Variants in LIN54 observed in about 807,000 individuals in gnomAD.
LIN54 encodes protein lin-54 homolog.
A neutral mutation model predicts 78.7 loss-of-function variants in LIN54; 9 were observed. The observed-to-expected ratio is 0.11, with a 90% confidence interval of 0.07 to 0.20. The LOEUF (loss-of-function observed/expected upper bound fraction) is 0.20. Ranked by LOEUF, LIN54 falls within the 10% of genes least tolerant of loss-of-function variation. The pLI is 1.00. For synonymous variants in LIN54, 269 were observed against 318.4 expected, an observed-to-expected ratio of 0.84 and a Z score of 1.65; for missense variants, 573 against 889.9, an observed-to-expected ratio of 0.64 and a Z score of 4.53.
At chr4:82,962,220 T>C (rs905119528) in intron 4 of LIN54, among the ~76,000 whole-genome samples, 4 of 152,280 alleles carry the variant, frequency 2.6e-5, no homozygotes, top group African/African-American at 9.6e-5. Flanking sequence ...CCATTACATC[T>C]GGCTTAACCC....
intron 3 of LIN54, among the ~76,000 whole-genome samples, chr4:82,976,683 C>T (rs1726190769): frequency 6.6e-6 from 1 of 151,920 alleles, no homozygotes. Flanking sequence ...ACTCCAGCCT[C>T]GGTGACAGGG....
intron 1 of LIN54, among the ~76,000 whole-genome samples, chr4:83,000,749 G>T (rs1578655498): frequency 6.7e-6 from 1 of 150,188 alleles, no homozygotes; most frequent in African/African-American, 2.5e-5. Flanking sequence ...ATGAAAATCA[G>T]AAAGGATTAC....
chr4:82,999,953 C>CATA (rs1728615043), intron 1 of LIN54, among the ~76,000 whole-genome samples: 1 of 152,166 alleles, frequency 6.6e-6, no homozygotes, highest in East Asian at 1.9e-4. Flanking sequence ...AGTGCAGTAG[C>CATA]ATAATCAGAG....
chr4:83,010,917 CT>C, upstream of LIN54: 1 of 1,027,632 alleles, frequency 9.7e-7, no homozygotes, highest in Non-Finnish European at 1.2e-6. Context: ...CCCCGCCAAC[CT>C]TCAAACGCAC....
At chr4:82,981,163 G>A (rs1226044349) in intron 2 of LIN54, among the ~76,000 whole-genome samples, 2 of 151,994 alleles carry the variant, frequency 1.3e-5, no homozygotes, top group Admixed American at 6.6e-5. Context: ...TTACAAATAA[G>A]GTAGTAAAAT....
intron 4 of LIN54, among the ~76,000 whole-genome samples, chr4:82,947,235 A>ATATATATATATATATATATTT: frequency 2.3e-5 from 1 of 44,292 alleles, no homozygotes; most frequent in Non-Finnish European, 3.7e-5. Flanking sequence ...ATATATATAT[A>ATATATATATATATATATATTT]TTTTTTTTTT....
chr4:82,967,125 C>A (rs1028140702), intron 4 of LIN54, among the ~76,000 whole-genome samples: 2 of 151,272 alleles, frequency 1.3e-5, no homozygotes, highest in Admixed American at 1.3e-4. Flanking sequence ...ACTCGGGACG[C>A]TGAGGCAGGA....
chr4:83,009,068 A>C (rs1578681005), intron 1 of LIN54, among the ~76,000 whole-genome samples: 1 of 152,236 alleles, frequency 6.6e-6, no homozygotes. Context: ...TTTTTAAAAA[A>C]TAATCATTAT....
chr4:82,938,798 C>T (rs1201735784), intron 7 of LIN54, among the ~76,000 whole-genome samples: 1 of 152,196 alleles, frequency 6.6e-6, no homozygotes, highest in Admixed American at 6.5e-5. Context: ...TCTCAAAGTA[C>T]TGTAATAACT....
chr4:82,929,920 C>T (rs907281451), intron 12 of LIN54, among the ~76,000 whole-genome samples: 8 of 152,120 alleles, frequency 5.3e-5, no homozygotes, highest in African/African-American at 9.7e-5. Flanking sequence ...ATTTTTGAGA[C>T]GGAGTTTGCT....
In LIN54 at chr4:82,927,976, T is replaced by G. The variant is rs530921732; in HGVS notation, c.*126A>C. ...TAAAATTTCTTCTCCTTCAGTATTA[T>G]AATTTCAGGTCTTTTAAAACAAGGA... On this transcript the variant is annotated 3_prime_UTR_variant, in exon 13 of 13. Coordinates refer to ENST00000340417, the MANE Select transcript of LIN54 (RefSeq NM_194282.4). 8.0e-6 allele frequency: 6 copies of G among 749,708 alleles called. No individual in the cohort carries two copies. In the South Asian group the frequency reaches 1.1e-4, roughly 13 times the overall value. The allele number at this position is 749,708 out of a possible 1,614,324, so 46.4% of individuals were successfully genotyped here. A position where few individuals can be genotyped will look rare whatever the true frequency, so the allele number is the denominator to read the frequency against.
intron 4 of LIN54, among the ~76,000 whole-genome samples, chr4:82,953,237 C>T (rs1057441944): frequency 2.6e-5 from 4 of 152,174 alleles, no homozygotes; most frequent in Admixed American, 2.6e-4. Context: ...AACCCTCCCA[C>T]CTCAGCTTCC....
chr4:82,932,092 A>ATT (rs70943171), intron 11 of LIN54, among the ~76,000 whole-genome samples: 4,736 of 124,778 alleles, frequency 0.038, 149 homozygotes, highest in Non-Finnish European at 0.048. Context: ...GTGTATTTTA[A>ATT]TTTTTTTTTT....
intron 1 of LIN54, among the ~76,000 whole-genome samples, chr4:82,989,243 T>C (rs6840403): frequency 1 from 151,847 of 152,278 alleles, 75,708 homozygotes; most frequent in Middle Eastern, 1. Context: ...GAATTCATTA[T>C]GTATACTGTG....
At chr4:82,951,993 C>T (rs1723880687) in intron 4 of LIN54, among the ~76,000 whole-genome samples, 1 of 151,966 alleles carries the variant, frequency 6.6e-6, no homozygotes, top group Non-Finnish European at 1.5e-5. Context: ...AGATCCATGA[C>T]CAAAATGTAA....
intron 4 of LIN54, among the ~76,000 whole-genome samples, chr4:82,966,076 T>A (rs1266753849): frequency 6.6e-6 from 1 of 152,230 alleles, no homozygotes; most frequent in Non-Finnish European, 1.5e-5. Flanking sequence ...CCTTTTCTTC[T>A]ACTAACACTT....
At chr4:82,944,766 A>C (rs1723221446) in intron 5 of LIN54, 3 of 152,180 alleles carry the variant, frequency 2.0e-5, no homozygotes, top group Admixed American at 2.0e-4. Flanking sequence ...AGCAGTAAGA[A>C]GAGGAAAAAG....
intron 11 of LIN54, among the ~76,000 whole-genome samples, chr4:82,935,430 AGGCACCT>A (rs1002866823): frequency 3.3e-5 from 5 of 151,866 alleles, no homozygotes; most frequent in Admixed American, 3.3e-4. Context: ...CTGGGATTAC[AGGCACCT>A]GCCACCATGC....
chr4:82,958,436 G>C (rs1724514714), intron 4 of LIN54, among the ~76,000 whole-genome samples: 1 of 152,100 alleles, frequency 6.6e-6, no homozygotes, highest in Non-Finnish European at 1.5e-5. Context: ...AAAGCTTCCT[G>C]TTTGTTCCTT....
Sources: allele counts gnomAD v4.1 joint callset (sites outside exome capture counted in the v4.1 genomes callset), GRCh38; gene constraint gnomAD v4.1.1; transcripts MANE v1.5; gene names NCBI Gene and HGNC (gene_info 2026-07-23, HGNC 2026-07-21).